Variants in TEAD1 observed in about 807,000 individuals in gnomAD.
The protein encoded by TEAD1 is transcriptional enhancer factor TEF-1.
In TEAD1, 9 loss-of-function variants were observed where a neutral mutation model predicts 54.9. The ratio of observed to expected loss-of-function variants is 0.16; its 90% CI spans 0.10 to 0.29. The LOEUF (loss-of-function observed/expected upper bound fraction) is 0.29. TEAD1 is among the 10% of genes least tolerant of loss of function. The probability of loss-of-function intolerance (pLI) is 1.00; values close to 1 mark genes in which losing one functional copy is unlikely to be tolerated. For synonymous variants in TEAD1, 200 were observed against 187.8 expected (o/e 1.07, Z -0.53); for missense variants, 387 against 535.9 (o/e 0.72, Z 2.74).
At chr11:12,876,709 G>A (rs1256987491) in intron 5 of TEAD1, among the ~76,000 whole-genome samples, 2 of 152,186 alleles carry the variant, frequency 1.3e-5, no homozygotes, top group Non-Finnish European at 2.9e-5. Flanking sequence ...TCAGAAATCT[G>A]CCTTGAGAGC....
intron 3 of TEAD1, among the ~76,000 whole-genome samples, chr11:12,841,200 C>G (rs558366617): frequency 6.6e-5 from 10 of 152,348 alleles, no homozygotes; most frequent in Non-Finnish European, 1.5e-4. Flanking sequence ...GTGGCTCTGC[C>G]TCTTTTCCTA....
Position 12,944,644 on chromosome 11 carries a change from C to T in TEAD1, c.*7422C>T, listed in dbSNP as rs1949190576. ...TTTGCAAAGTGACACATTTTGATGC[C>T]TTCTTGATAAAGTGGTAGACATTTT... is the stretch of plus-strand genomic sequence containing the variant. On this transcript the variant is annotated 3_prime_UTR_variant, in exon 13 of 13. Transcript: ENST00000527636. Among the ~76,000 whole-genome samples the T allele has an allele frequency of 6.6e-6, 1 of 152,128 alleles. No homozygotes were observed. Among genetic ancestry groups the T allele is most frequent in the Non-Finnish European group, 1.5e-5 (1 of 68,022 alleles).
At chr11:12,758,442 ACT>A (rs1325685680) in intron 2 of TEAD1, among the ~76,000 whole-genome samples, 7 of 118,752 alleles carry the variant, frequency 5.9e-5, no homozygotes, top group African/African-American at 1.0e-4. Flanking sequence ...GTGGAGTATC[ACT>A]CTGTCGCCTA....
chr11:12,864,322 C>A (rs1947569376), intron 4 of TEAD1, among the ~76,000 whole-genome samples: 1 of 152,166 alleles, frequency 6.6e-6, no homozygotes, highest in African/African-American at 2.4e-5. Flanking sequence ...TACCTTTACT[C>A]CCACCTTTTT....
At position 12,901,943 on chromosome 11, in the gene TEAD1, A is replaced by G; in HGVS notation, c.703A>G (p.Asn235Asp). Residue 235 changes from asparagine to aspartate, a missense_variant, in exon 10 of 13, where the codon AAC becomes GAC. Around this residue, in one of 5 missense-constraint regions of TEAD1, gnomAD observed 180 missense variants for 180.6 expected, o/e 1.00. Transcript: ENST00000527636. ...TGTTTCTGTTGGTTTCTTACAGTAC[A>G]ACAAACACCTCTTCGTGCACATTGG... is the stretch of plus-strand genomic sequence containing the variant. 3 of 1,614,176 alleles carry G rather than the reference A, an allele frequency of 1.9e-6. No homozygotes were observed. The highest frequency in any genetic ancestry group is 2.5e-6 in the Non-Finnish European group (3 of 1,180,018).
intron 2 of TEAD1, among the ~76,000 whole-genome samples, chr11:12,761,075 G>C (rs1945094165): frequency 6.6e-6 from 1 of 152,082 alleles, no homozygotes; most frequent in African/African-American, 2.4e-5. Context: ...GGATACACAG[G>C]GTCTTTTCCT....
At chr11:12,852,891 A>G (rs1330917308) in intron 3 of TEAD1, among the ~76,000 whole-genome samples, 1 of 152,232 alleles carries the variant, frequency 6.6e-6, no homozygotes, top group Non-Finnish European at 1.5e-5. Flanking sequence ...CATGAAGTAA[A>G]GAACTATGAG....
At chr11:12,820,565 G>A (rs560268859) in intron 3 of TEAD1, among the ~76,000 whole-genome samples, 8 of 152,234 alleles carry the variant, frequency 5.3e-5, no homozygotes, top group Non-Finnish European at 1.2e-4. Flanking sequence ...CCTAAAAGAA[G>A]ACTTTGGAGT....
intron 3 of TEAD1, among the ~76,000 whole-genome samples, chr11:12,861,026 C>T (rs1295182367): frequency 6.6e-6 from 1 of 152,154 alleles, no homozygotes; most frequent in Non-Finnish European, 1.5e-5. Flanking sequence ...GAATTTTTCA[C>T]AAGGATAGAG....
chr11:12,738,103 CACA>C (rs1363943177), intron 2 of TEAD1, among the ~76,000 whole-genome samples: 1 of 152,140 alleles, frequency 6.6e-6, no homozygotes, highest in African/African-American at 2.4e-5. Context: ...GGGTCCCTCC[CACA>C]ACATGTGGGA....
At position 12,699,345 on chromosome 11, in the gene TEAD1, T is replaced by C. The variant is rs761839276; in HGVS notation, c.-55+23784T>C. On this transcript the variant is annotated intron_variant, in intron 2 of 12. Coordinates refer to ENST00000527636, the MANE Select transcript of TEAD1 (RefSeq NM_021961.6). ...TAGCTTTTCTCATCGGTTTATTTAA[T>C]GAATTGTAGAAACCGCTTGTCTGGT... Among the ~76,000 whole-genome samples, 13 of 152,342 alleles carry C rather than the reference T, an allele frequency of 8.5e-5. No individual in the cohort carries two copies. The East Asian group carries it at 2.5e-3, about 29-fold the overall frequency.
At chr11:12,774,546 C>T (rs991896114) in intron 3 of TEAD1, among the ~76,000 whole-genome samples, 2 of 152,128 alleles carry the variant, frequency 1.3e-5, no homozygotes, top group African/African-American at 4.8e-5. Flanking sequence ...CTACCTTCCT[C>T]TTCCCAAATT....
chr11:12,850,908 T>C (rs1392550749), intron 3 of TEAD1, among the ~76,000 whole-genome samples: 2 of 152,074 alleles, frequency 1.3e-5, no homozygotes, highest in Non-Finnish European at 2.9e-5. Flanking sequence ...GAAGAAGCAA[T>C]GAGCATGCAT....
chr11:12,750,275 G>A (rs921468585), intron 2 of TEAD1, among the ~76,000 whole-genome samples: 1 of 152,038 alleles, frequency 6.6e-6, no homozygotes, highest in African/African-American at 2.4e-5. Context: ...AGGGATGAGG[G>A]GAGTATGTTG....
At chr11:12,892,712 G>A (rs1241732627) in intron 9 of TEAD1, among the ~76,000 whole-genome samples, 1 of 152,154 alleles carries the variant, frequency 6.6e-6, no homozygotes, top group Non-Finnish European at 1.5e-5. Context: ...TTGCCAGGAG[G>A]GTTCTTGCCT....
intron 3 of TEAD1, among the ~76,000 whole-genome samples, chr11:12,843,392 A>G (rs540455806): frequency 6.6e-6 from 1 of 152,262 alleles, no homozygotes; most frequent in Non-Finnish European, 1.5e-5. Context: ...TCCAGTGTCT[A>G]CGAATTACTG....
chr11:12,741,762 A>T (rs2133893398), intron 2 of TEAD1, among the ~76,000 whole-genome samples: 1 of 152,340 alleles, frequency 6.6e-6, no homozygotes, highest in East Asian at 1.9e-4. Flanking sequence ...GCCTTGCAGT[A>T]GCAAGGCTCT....
chr11:12,923,083 A>AT (rs1948841485), intron 10 of TEAD1, among the ~76,000 whole-genome samples: 1 of 152,010 alleles, frequency 6.6e-6, no homozygotes, highest in African/African-American at 2.4e-5. Flanking sequence ...GTATATATAT[A>AT]TATACATACT....
At chr11:12,750,455 C>CT (rs1944847376) in intron 2 of TEAD1, among the ~76,000 whole-genome samples, 1 of 152,168 alleles carries the variant, frequency 6.6e-6, no homozygotes, top group African/African-American at 2.4e-5. Flanking sequence ...GAGAACTGTC[C>CT]TGGCCTTGGA....
Sources: gnomAD v4.1 joint callset for allele counts (sites outside exome capture counted in the v4.1 genomes callset) on GRCh38, gnomAD v4.1.1 for gene constraint, gnomAD v4.1.1 regional missense constraint, MANE v1.5 for transcripts, NCBI Gene and HGNC (gene_info 2026-07-23, HGNC 2026-07-21) for gene names.